The following SYNE2 variants were observed in gnomAD, a reference collection of about 807,000 sequenced individuals.
SYNE2 encodes nesprin-2.
Under a neutral mutation model 856.3 loss-of-function variants are expected in SYNE2, and 431 were observed. That is an observed-to-expected ratio of 0.50 (90% CI 0.47 to 0.55). The LOEUF is 0.55. Among genes scored for constraint, SYNE2 ranks in the 20% least tolerant of loss-of-function variants. The pLI, the probability that SYNE2 is intolerant of heterozygous loss-of-function variation, is 0.00. For missense variants in SYNE2, 8,129 were observed against 8,023.2 expected (o/e 1.01, Z -0.50); for synonymous variants, 2,923 against 2,872.3 (o/e 1.02, Z -0.56).
intron 49 of SYNE2, among the ~76,000 whole-genome samples, chr14:64,060,859 A>G (rs1416890808): frequency 2.0e-5 from 3 of 152,182 alleles, no homozygotes; most frequent in African/African-American, 7.2e-5. Context: ...GGCTAGGGCT[A>G]GTCTAAATGC....
chr14:64,072,135 G>A (rs1481376455), intron 52 of SYNE2, among the ~76,000 whole-genome samples: 2 of 152,156 alleles, frequency 1.3e-5, no homozygotes, highest in African/African-American at 2.4e-5. Flanking sequence ...TAACAACACT[G>A]CAGTGAATAT....
At position 64,031,282 on chromosome 14, in the gene SYNE2, C is replaced by A. The variant is rs1463651183; in HGVS notation, c.7146C>A (p.Ala2382=). ...CTCTGCCAGGCAGAGAGAAGCAGGCCACTTCTGATGTGCAGGAGTCTACTC... is the reference window on the plus strand; with the variant it reads ...CTCTGCCAGGCAGAGAGAAGCAGGCAACTTCTGATGTGCAGGAGTCTACTC... ...KFTLPGREKQ[A]TSDVQESTQE... The change falls in exon 45 of 116, where the codon GCC becomes GCA. Residue 2382 remains alanine, a synonymous_variant. Coordinates refer to ENST00000555002, the MANE Select transcript of SYNE2 (RefSeq NM_182914.3). 7 of 1,613,992 alleles carry A rather than the reference C, an allele frequency of 4.3e-6. No homozygotes were observed. In the African/African-American group the frequency reaches 9.3e-5, roughly 22 times the overall value.
At chr14:63,829,783 AT>A (rs995648753) in intron 1 of SYNE2, among the ~76,000 whole-genome samples, 5 of 151,548 alleles carry the variant, frequency 3.3e-5, no homozygotes, top group African/African-American at 7.3e-5. Context: ...GCCCCAGATA[AT>A]TTTTTTTATT....
chr14:63,880,671 ATTT>A (rs35718279), intron 1 of SYNE2, among the ~76,000 whole-genome samples: 3 of 130,080 alleles, frequency 2.3e-5, no homozygotes, highest in Admixed American at 1.6e-4. Context: ...ATTGTCTTTA[ATTT>A]TTTTTTTTTT....
chr14:64,211,971 A>T lies in SYNE2; in HGVS notation c.18734A>T (p.Asn6245Ile). The T allele has an allele frequency of 6.2e-7, 1 of 1,614,054 alleles. No homozygotes were observed. The highest frequency in any genetic ancestry group is 8.5e-7 in the Non-Finnish European group (1 of 1,180,006). ...AVLRRLRHFT[N>I]QREEFEGTRE... Reference sequence around the variant, plus strand: ...TCCCCACTTTTGCAGCATTTCACCAACCAGAGGGAAGAATTTGAGGGCACC... The same window carrying T: ...TCCCCACTTTTGCAGCATTTCACCATCCAGAGGGAAGAATTTGAGGGCACC... The change falls in exon 104 of 116, where the codon AAC becomes ATC. Residue 6245 changes from asparagine (N) to isoleucine (I), a missense_variant. This residue lies in a region of SYNE2 where 5,410 missense variants were observed against 5,284.8 expected (regional missense o/e 1.02). Transcript: ENST00000555002.
chr14:64,084,266 T>A (rs1311389788), intron 57 of SYNE2: 1 of 152,208 alleles, frequency 6.6e-6, no homozygotes, highest in East Asian at 1.9e-4. Context: ...TTACATACAG[T>A]AAAAATATTA....
chr14:63,812,161 A>C (rs1888638694), intron 1 of SYNE2, among the ~76,000 whole-genome samples: 1 of 152,158 alleles, frequency 6.6e-6, no homozygotes, highest in African/African-American at 2.4e-5. Context: ...CTCATAAGAC[A>C]GACACTCCCA....
intron 1 of SYNE2, among the ~76,000 whole-genome samples, chr14:63,786,414 A>G (rs58500701): frequency 0.035 from 5,337 of 152,266 alleles, 183 homozygotes; most frequent in African/African-American, 0.085. Context: ...TCAAAAAGAA[A>G]AAAGAAAAAC....
intron 1 of SYNE2, among the ~76,000 whole-genome samples, chr14:63,830,840 CTTTT>C (rs11427202): frequency 9.2e-6 from 1 of 108,722 alleles, no homozygotes. Context: ...TGATCCCATT[CTTTT>C]TTTTTTTTTT....
Position 63,967,718 on chromosome 14 carries a change from T to C in SYNE2, c.1000T>C (p.Ser334Pro), listed in dbSNP as rs1224279002. The C allele has an allele frequency of 1.2e-6, 2 of 1,614,096 alleles. No individual in the cohort carries two copies. Among genetic ancestry groups the C allele is most frequent in the East Asian group, 4.5e-5 (2 of 44,880 alleles). Residue 334 changes from serine (S) to proline (P), a missense_variant, in exon 11 of 116, where the codon TCC (serine) becomes CCC (proline). Ser to Pro is a moderately conservative substitution (Grantham distance 74, BLOSUM62 -1). Around this residue, in one of 3 missense-constraint regions of SYNE2, gnomAD observed 2,422 missense variants for 2,357.4 expected, o/e 1.03. Transcript: ENST00000555002. ...ACTCTTCTAATTGCAGAGCCTGCTG[T>C]CCTTTATGGAGTCATTCAATGAAGA... ...TYFKKYNSLL[S>P]FMESFNEEKK...
chr14:64,215,610 G>A, intron 107 of SYNE2: 1 of 574,302 alleles, frequency 1.7e-6, no homozygotes, highest in Non-Finnish European at 3.1e-6. Flanking sequence ...ATTTTTCATG[G>A]TGCCTGTTTT....
intron 96 of SYNE2, among the ~76,000 whole-genome samples, chr14:64,179,289 A>G (rs1022902266): frequency 2.6e-5 from 4 of 152,062 alleles, no homozygotes; most frequent in Admixed American, 2.6e-4. Context: ...GGCATGTGCC[A>G]TCAGGCCTGG....
chr14:64,183,114 T>TCGGA (rs1330310280), intron 96 of SYNE2, among the ~76,000 whole-genome samples: 2 of 120,296 alleles, frequency 1.7e-5, no homozygotes, highest in Non-Finnish European at 3.4e-5. Flanking sequence ...TCCTCACTTC[T>TCGGA]CGGACGGGGC....
At chr14:64,102,735 G>A (rs1166055470) in intron 64 of SYNE2, among the ~76,000 whole-genome samples, 1 of 151,880 alleles carries the variant, frequency 6.6e-6, no homozygotes, top group African/African-American at 2.4e-5. Context: ...GTTATACATA[G>A]ATTCTCTTGA....
chr14:64,079,608 T>C (rs2097501883), intron 55 of SYNE2, among the ~76,000 whole-genome samples: 1 of 152,246 alleles, frequency 6.6e-6, no homozygotes, highest in Non-Finnish European at 1.5e-5. Context: ...CAGATTTGAA[T>C]CCAACCTATT....
chr14:63,915,152 T>G (rs1479995325), intron 2 of SYNE2, among the ~76,000 whole-genome samples: 1 of 152,224 alleles, frequency 6.6e-6, no homozygotes, highest in Non-Finnish European at 1.5e-5. Flanking sequence ...ATCAATGTGC[T>G]TAAAATAAAT....
intron 73 of SYNE2, among the ~76,000 whole-genome samples, chr14:64,127,228 T>A (rs1161716101): frequency 1.3e-5 from 2 of 151,488 alleles, no homozygotes; most frequent in Admixed American, 1.3e-4. Context: ...ACGACTGCAC[T>A]CCAGCCTGAG....
At chr14:64,165,179 G>T (rs1445515584) in intron 89 of SYNE2, 106 bp from the exon 90 acceptor site, 1 of 1,239,696 alleles carries the variant, frequency 8.1e-7, no homozygotes, top group Non-Finnish European at 1.2e-6. Context: ...GAGCCACCGT[G>T]CCTAGCCAAA....
intron 11 of SYNE2, among the ~76,000 whole-genome samples, chr14:63,973,939 A>C (rs944625365): frequency 6.6e-6 from 1 of 152,120 alleles, no homozygotes; most frequent in Non-Finnish European, 1.5e-5. Flanking sequence ...TTGCCTGTTT[A>C]AAAAACAATA....
Sources: allele counts gnomAD v4.1 joint callset (sites outside exome capture counted in the v4.1 genomes callset), GRCh38; gene constraint gnomAD v4.1.1; regional missense constraint gnomAD v4.1.1; transcripts MANE v1.5; gene names NCBI Gene and HGNC (gene_info 2026-07-23, HGNC 2026-07-21).